The following KDM4C variants were observed in gnomAD, a reference collection of about 807,000 sequenced individuals.
The protein encoded by KDM4C is lysine demethylase 4C, also known as lysine-specific demethylase 4C.
Under a neutral mutation model 129.3 loss-of-function variants are expected in KDM4C, and 81 were observed. The observed-to-expected ratio is 0.63, with a 90% confidence interval of 0.52 to 0.75. The LOEUF (loss-of-function observed/expected upper bound fraction) is 0.75, where lower values mean the gene tolerates loss of function less well. Among genes scored for constraint, KDM4C ranks in the 30% least tolerant of loss-of-function variants. KDM4C has a pLI of 0.00. For synonymous variants in KDM4C, 573 were observed against 456.1 expected, an observed-to-expected ratio of 1.26 and a Z score of -3.26; for missense variants, 1,457 against 1,304.0, an observed-to-expected ratio of 1.12 and a Z score of -1.81.
At chr9:6,796,617 A>G (rs1167740699) in intron 2 of KDM4C, among the ~76,000 whole-genome samples, 1 of 152,196 alleles carries the variant, frequency 6.6e-6, no homozygotes, top group African/African-American at 2.4e-5. Context: ...GCATTATGTA[A>G]CTGAATAAAG....
intron 15 of KDM4C, among the ~76,000 whole-genome samples, chr9:7,025,843 T>G (rs961467400): frequency 6.6e-6 from 1 of 152,232 alleles, no homozygotes; most frequent in African/African-American, 2.4e-5. Flanking sequence ...GTGTACTTAC[T>G]ATTACCAGTG....
chr9:6,734,882 C>A (rs1017618543), intron 1 of KDM4C: 10 of 556,938 alleles, frequency 1.8e-5, no homozygotes, highest in Admixed American at 4.0e-5. Flanking sequence ...CAATAAGAGA[C>A]TTCACAATGG....
intron 12 of KDM4C, among the ~76,000 whole-genome samples, chr9:6,995,325 A>G (rs1217040274): frequency 5.9e-5 from 9 of 152,060 alleles, no homozygotes; most frequent in Non-Finnish European, 1.3e-4. Flanking sequence ...ATACACCTGT[A>G]TGGACACACA....
At chr9:6,800,366 A>G (rs1160819129) in intron 2 of KDM4C, among the ~76,000 whole-genome samples, 1 of 151,794 alleles carries the variant, frequency 6.6e-6, no homozygotes, top group African/African-American at 2.4e-5. Context: ...CTCCATCTCA[A>G]AAAGCAAACA....
At chr9:7,115,364 A>G (rs1375015165) in intron 18 of KDM4C, among the ~76,000 whole-genome samples, 3 of 152,178 alleles carry the variant, frequency 2.0e-5, no homozygotes, top group Non-Finnish European at 4.4e-5. Flanking sequence ...GAATCGTCTG[A>G]TAGCTTGTTA....
At chr9:6,881,405 A>C (rs568091394) in intron 6 of KDM4C, among the ~76,000 whole-genome samples, 1 of 152,214 alleles carries the variant, frequency 6.6e-6, no homozygotes, top group African/African-American at 2.4e-5. Context: ...GTTTTGGATA[A>C]TAGATTAGAG....
intron 11 of KDM4C, among the ~76,000 whole-genome samples, chr9:6,987,746 A>G (rs1292384215): frequency 1.3e-5 from 2 of 152,198 alleles, no homozygotes; most frequent in African/African-American, 4.8e-5. Context: ...AGAATTGTAT[A>G]TCTCATTGAA....
chr9:6,959,822 T>C (rs1054458055), intron 8 of KDM4C, among the ~76,000 whole-genome samples: 15 of 152,156 alleles, frequency 9.9e-5, no homozygotes, highest in African/African-American at 3.6e-4. Flanking sequence ...GAAATGCCTG[T>C]CAACTTAATT....
chr9:7,140,078 G>T (rs772898437), intron 19 of KDM4C, among the ~76,000 whole-genome samples: 3 of 152,164 alleles, frequency 2.0e-5, no homozygotes, highest in Non-Finnish European at 4.4e-5. Context: ...TCACTCCTGA[G>T]ATCTTATCCA....
chr9:6,953,129 G>C (rs1440663327), intron 8 of KDM4C, among the ~76,000 whole-genome samples: 3 of 152,158 alleles, frequency 2.0e-5, no homozygotes, highest in Admixed American at 1.3e-4. Flanking sequence ...TAAAATAGCT[G>C]GAGTAGGCAG....
chr9:6,865,102 G>A (rs775998863), intron 5 of KDM4C, among the ~76,000 whole-genome samples: 8 of 147,726 alleles, frequency 5.4e-5, no homozygotes, highest in South Asian at 2.1e-4. Context: ...TCTGCCTCCC[G>A]GGTTCAAGCA....
At chr9:7,061,826 TGA>T (rs1564064815) in intron 17 of KDM4C, among the ~76,000 whole-genome samples, 1 of 152,218 alleles carries the variant, frequency 6.6e-6, no homozygotes, top group East Asian at 1.9e-4. Context: ...TTTCATAGAC[TGA>T]AGAAGGAGTC....
At chr9:6,963,160 C>T (rs774422597) in intron 8 of KDM4C, among the ~76,000 whole-genome samples, 3 of 152,112 alleles carry the variant, frequency 2.0e-5, no homozygotes, top group Non-Finnish European at 2.9e-5. Context: ...ATGCAGTGTA[C>T]TTAGAATGGT....
intron 17 of KDM4C, among the ~76,000 whole-genome samples, chr9:7,091,901 G>A (rs989999399): frequency 6.6e-6 from 1 of 152,288 alleles, no homozygotes; most frequent in Middle Eastern, 3.4e-3. Context: ...CCTGACACAG[G>A]TCTCAGACCC....
intron 19 of KDM4C, among the ~76,000 whole-genome samples, chr9:7,146,524 A>G (rs948900172): frequency 6.6e-6 from 1 of 152,214 alleles, no homozygotes; most frequent in Non-Finnish European, 1.5e-5. Context: ...AATCTGTCAA[A>G]TGCTTCTGCT....
In KDM4C at chr9:6,958,825, C is replaced by T. The variant is rs1412997863; in HGVS notation, c.922-22100C>T. Among the ~76,000 whole-genome samples the T allele has an allele frequency of 3.3e-5, 5 of 152,032 alleles. No individual in the cohort carries two copies. In the South Asian group the frequency reaches 1.0e-3, roughly 32 times the overall value. On this transcript the variant is annotated intron_variant, in intron 8 of 21. Transcript: ENST00000381309. ...TTGGGACCACAGGTGCGCACCACCA[C>T]ACTGGCTAATTTTTGTGTTTTTCAT...
At chr9:6,734,509 G>C (rs1423447292) in intron 1 of KDM4C, 2 of 171,834 alleles carry the variant, frequency 1.2e-5, no homozygotes, top group Non-Finnish European at 2.4e-5. Context: ...GGCCAGGCTG[G>C]TCTCGAACTC....
intron 8 of KDM4C, among the ~76,000 whole-genome samples, chr9:6,963,766 C>A (rs1246017676): frequency 6.6e-6 from 1 of 152,212 alleles, no homozygotes; most frequent in Non-Finnish European, 1.5e-5. Context: ...GCCTCTCAGT[C>A]TTCTTAGACT....
chr9:6,739,461 C>T (rs952748570), intron 1 of KDM4C, among the ~76,000 whole-genome samples: 3 of 152,018 alleles, frequency 2.0e-5, no homozygotes, highest in African/African-American at 7.2e-5. Context: ...AATCACTGGA[C>T]ACAATCATGT....
Sources: allele counts gnomAD v4.1 joint callset (sites outside exome capture counted in the v4.1 genomes callset), GRCh38; gene constraint gnomAD v4.1.1; transcripts MANE v1.5; gene names NCBI Gene and HGNC (gene_info 2026-07-23, HGNC 2026-07-21).